Variants in MAST3 observed in about 807,000 individuals in gnomAD.
MAST3 encodes microtubule associated serine/threonine kinase 3.
Under a neutral mutation model 127.0 loss-of-function variants are expected in MAST3, and 43 were observed. The ratio of observed to expected loss-of-function variants is 0.34; its 90% CI spans 0.27 to 0.44. MAST3 has a LOEUF of 0.44. Ranked by LOEUF, MAST3 falls within the 20% of genes least tolerant of loss-of-function variation. MAST3 has a pLI of 1.00. For synonymous variants in MAST3, 785 were observed against 809.2 expected, an observed-to-expected ratio of 0.97 and a Z score of 0.51; for missense variants, 1,390 against 1,919.1, an observed-to-expected ratio of 0.72 and a Z score of 5.15.
At chr19:18,147,308 G>T in intron 26 of MAST3, 135 bp from the exon 27 acceptor site, 1 of 806,104 alleles carries the variant, frequency 1.2e-6, no homozygotes, top group Non-Finnish European at 2.0e-6. Flanking sequence ...TCGCCATGTT[G>T]GCCAGGCTGG....
chr19:18,115,295 A>G (rs1338344499), intron 3 of MAST3, among the ~76,000 whole-genome samples: 1 of 152,026 alleles, frequency 6.6e-6, no homozygotes, highest in African/African-American at 2.4e-5. Context: ...AGGACAAATG[A>G]GCATGGGAGA....
At chr19:18,128,615 C>T (rs1262658324) in intron 12 of MAST3, among the ~76,000 whole-genome samples, 157 bp downstream of exon 12, 1 of 152,218 alleles carries the variant, frequency 6.6e-6, no homozygotes, top group Non-Finnish European at 1.5e-5. Flanking sequence ...ACTGCCCTGC[C>T]TTGGAAGTCG....
chr19:18,146,795 C>T (rs1218403529), intron 25 of MAST3, 86 bp from the exon 26 acceptor site: 12 of 1,343,922 alleles, frequency 8.9e-6, no homozygotes, highest in Middle Eastern at 1.9e-4. Context: ...AGCTGGTGCC[C>T]GGAGTGAAGG....
At chr19:18,147,099 C>T (rs1348508661) in intron 26 of MAST3, 55 bp downstream of exon 26, 5 of 892,302 alleles carry the variant, frequency 5.6e-6, no homozygotes, top group South Asian at 2.2e-5. Context: ...TTTCTTTTTC[C>T]TTTTTTTTTT....
Position 18,150,470 on chromosome 19 carries a change from T to G in MAST3, c.*744T>G, listed in dbSNP as rs1304809098. The G allele has an allele frequency of 2.0e-5, 3 of 152,332 alleles. No homozygotes were observed. The highest frequency in any genetic ancestry group is 7.2e-5 in the African/African-American group (3 of 41,456). 9.4% of individuals were successfully genotyped at this position (152,332 alleles called of 1,614,324 possible). On this transcript the variant is annotated 3_prime_UTR_variant, in exon 28 of 28. Coordinates refer to ENST00000687212, the MANE Select transcript of MAST3 (RefSeq NM_001393504.1). ...TTTTCTGTACTTTTTAAGTGTTTTGTGTTACCTGGTCTCATTCCCCTCCCC... is the reference window on the plus strand; with the variant it reads ...TTTTCTGTACTTTTTAAGTGTTTTGGGTTACCTGGTCTCATTCCCCTCCCC...
intron 13 of MAST3, 90 bp downstream of exon 13, chr19:18,129,041 C>T: frequency 9.1e-7 from 1 of 1,093,628 alleles, no homozygotes. Flanking sequence ...CCTCCTACCC[C>T]AGCAGGGCTC....
chr19:18,110,474 C>T lies in MAST3; in HGVS notation c.72-178C>T, dbSNP rs2038467847. 1 of 958,064 alleles carries T rather than the reference C, an allele frequency of 1.0e-6. No individual in the cohort carries two copies. Among genetic ancestry groups the T allele is most frequent in the Middle Eastern group, 5.3e-4 (1 of 1,876 alleles). The allele number at this position is 958,064 out of a possible 1,614,324, so 59.3% of individuals were successfully genotyped here. A position where few individuals can be genotyped will look rare whatever the true frequency, so the allele number is the denominator to read the frequency against. ...TCGCCCAGAAACGCACCGCCGCCTC[C>T]GGGGAGCCCTCCCGGGCCATCGGTC... On this transcript the variant is annotated intron_variant, in intron 2 of 27. Transcript: ENST00000687212. The surrounding 1 kb of genome is among the most constrained non-coding windows in gnomAD (Gnocchi z 4.3).
chr19:18,107,509 T>G, intron 1 of MAST3, 78 bp from the exon 2 acceptor site: 2 of 1,374,056 alleles, frequency 1.5e-6, no homozygotes, highest in Non-Finnish European at 2.1e-6. Context: ...GGATTGGGGA[T>G]TGTGGGGGTG....
chr19:18,124,694 C>T lies in MAST3; in HGVS notation c.998C>T (p.Ala333Val), dbSNP rs750204537. 3 of 1,611,366 alleles carry T rather than the reference C, an allele frequency of 1.9e-6. No homozygotes were observed. Among genetic ancestry groups the T allele is most frequent in the South Asian group, 2.2e-5 (2 of 90,878 alleles). Residue 333 changes from alanine (A) to valine (V), a missense_variant, in exon 11 of 28, where the codon GCG (alanine) becomes GTG (valine). Ala to Val is a moderately conservative substitution (Grantham distance 64). This residue lies in a region of MAST3 where 277 missense variants were observed against 384.8 expected (regional missense o/e 0.72). Coordinates refer to ENST00000687212, the MANE Select transcript of MAST3 (RefSeq NM_001393504.1). ...YHLLEAAEGH[A>V]REGQGIKTDL... is the part of the protein sequence containing the mutation. ...CTGCTGGAGGCGGCTGAGGGCCATG[C>T]GCGGGAGGGCCAAGGCATTAAGACT...
chr19:18,102,773 C>A (rs992674883), intron 1 of MAST3, among the ~76,000 whole-genome samples: 22 of 152,084 alleles, frequency 1.4e-4, no homozygotes, highest in Admixed American at 4.6e-4. Context: ...AGCCACCGCA[C>A]CTGGCTCAAA....
Position 18,144,871 on chromosome 19 carries a change from C to A in MAST3, c.2813-132C>A. ...GTAGAGGGCACTGCACGTGCAAAGGCCTGGTGGGGTGACCATGCTTGGGAC... is the reference window on the plus strand; with the variant it reads ...GTAGAGGGCACTGCACGTGCAAAGGACTGGTGGGGTGACCATGCTTGGGAC... On this transcript the variant is annotated intron_variant, in intron 23 of 27. Coordinates refer to ENST00000687212, the MANE Select transcript of MAST3 (RefSeq NM_001393504.1). This position sits in a 1 kb window ranked among gnomAD's most constrained non-coding sequence, Gnocchi z 4.0. The A allele has an allele frequency of 1.2e-6, 1 of 857,982 alleles. No individual in the cohort carries two copies. The highest frequency in any genetic ancestry group is 1.9e-6 in the Non-Finnish European group (1 of 533,360). 53.1% of individuals were successfully genotyped at this position (857,982 alleles called of 1,614,324 possible).
chr19:18,122,473 C>CA (rs2040113281), intron 5 of MAST3, among the ~76,000 whole-genome samples, 200 bp from the exon 6 acceptor site: 1 of 149,876 alleles, frequency 6.7e-6, no homozygotes, highest in Non-Finnish European at 1.5e-5. Context: ...GCTGGACTCA[C>CA]GGGGGGGCTT....
intron 19 of MAST3, among the ~76,000 whole-genome samples, chr19:18,138,077 G>A (rs1304782125): frequency 6.6e-6 from 1 of 151,986 alleles, no homozygotes; most frequent in Non-Finnish European, 1.5e-5. Context: ...AGGCATGGTG[G>A]TACATGCCTG....
At chr19:18,133,042 T>G (rs2041495580) in intron 15 of MAST3, among the ~76,000 whole-genome samples, 1 of 151,106 alleles carries the variant, frequency 6.6e-6, no homozygotes. Flanking sequence ...GAGGTTGCAA[T>G]GAGCCAAGAT....
intron 5 of MAST3, 23 bp downstream of exon 5, chr19:18,121,945 A>T (rs2040026832): frequency 3.7e-6 from 6 of 1,613,786 alleles, no homozygotes; most frequent in Non-Finnish European, 5.1e-6. Flanking sequence ...CGGCTTTGGG[A>T]GACAGTGCGG....
chr19:18,149,386 C>T lies in MAST3; in HGVS notation c.3704C>T (p.Pro1235Leu). The T allele has an allele frequency of 6.8e-7, 1 of 1,476,444 alleles. No homozygotes were observed. The highest frequency in any genetic ancestry group is 8.9e-7 in the Non-Finnish European group (1 of 1,119,200). 91.5% of individuals were successfully genotyped at this position (1,476,444 alleles called of 1,614,324 possible). A position where few individuals can be genotyped will look rare whatever the true frequency, so the allele number is the denominator to read the frequency against. ...SPLACPPISA[P>L]PPRSPSPLPG... ...CTGGCCTGCCCGCCCATCTCCGCGCCCCCACCCCGCTCGCCCTCGCCCCTG... is the reference window on the plus strand; with the variant it reads ...CTGGCCTGCCCGCCCATCTCCGCGCTCCCACCCCGCTCGCCCTCGCCCCTG... Residue 1235 changes from proline (P) to leucine (L), a missense_variant, in exon 28 of 28, where the codon CCC becomes CTC. Physicochemically the swap from Pro to Leu is moderately conservative, Grantham distance 98. Around this residue, in one of 5 missense-constraint regions of MAST3, gnomAD observed 816 missense variants for 934.1 expected, o/e 0.87. Coordinates refer to ENST00000687212, the MANE Select transcript of MAST3 (RefSeq NM_001393504.1). The surrounding 1 kb of genome is among the most constrained non-coding windows in gnomAD (Gnocchi z 5.9).
chr19:18,105,493 G>A (rs950686695), intron 1 of MAST3, among the ~76,000 whole-genome samples: 1 of 148,992 alleles, frequency 6.7e-6, no homozygotes. Context: ...GAGGTCAGGA[G>A]TTCAAGACTA....
chr19:18,149,434 C>T lies in MAST3; in HGVS notation c.3752C>T (p.Ala1251Val), dbSNP rs1251801109. Residue 1251 changes from alanine to valine, a missense_variant, in exon 28 of 28, where the codon GCC (alanine) becomes GTC (valine). This residue lies in a region of MAST3 where 816 missense variants were observed against 934.1 expected (regional missense o/e 0.87). Coordinates refer to ENST00000687212, the MANE Select transcript of MAST3 (RefSeq NM_001393504.1). The surrounding 1 kb of genome is among the most constrained non-coding windows in gnomAD (Gnocchi z 5.9). ...SPLPGHPPAP[A>V]RSPRLRRGQS... The stretch of plus-strand genomic sequence containing the variant: ...CTGCCCGGGCACCCGCCCGCACCTG[C>T]CCGATCCCCGCGGCTGCGCCGGGGC... The T allele has an allele frequency of 5.9e-6, 9 of 1,516,018 alleles. No individual in the cohort carries two copies. Among genetic ancestry groups the T allele is most frequent in the Middle Eastern group, 2.2e-4 (1 of 4,518 alleles). 93.9% of individuals were successfully genotyped at this position (1,516,018 alleles called of 1,614,324 possible). A position where few individuals can be genotyped will look rare whatever the true frequency, so the allele number is the denominator to read the frequency against.
intron 2 of MAST3, among the ~76,000 whole-genome samples, chr19:18,109,355 G>A (rs2038319944): frequency 6.6e-6 from 1 of 152,142 alleles, no homozygotes; most frequent in African/African-American, 2.4e-5. Flanking sequence ...GTTGCTGGGG[G>A]ACTGGGACAT....
Sources: gnomAD v4.1 joint callset for allele counts (sites outside exome capture counted in the v4.1 genomes callset) on GRCh38, gnomAD v4.1.1 for gene constraint, gnomAD v4.1.1 regional missense constraint, Gnocchi (gnomAD v3.1) non-coding constraint, MANE v1.5 for transcripts, NCBI Gene and HGNC (gene_info 2026-07-23, HGNC 2026-07-21) for gene names.